Variants in PPP2R3B observed in about 807,000 individuals in gnomAD.
The protein encoded by PPP2R3B is serine/threonine-protein phosphatase 2A regulatory subunit B'' subunit beta.
Under a neutral mutation model 72.9 loss-of-function variants are expected in PPP2R3B, and 68 were observed. The observed-to-expected ratio is 0.93, with a 90% CI of 0.77 to 1.14. The LOEUF (loss-of-function observed/expected upper bound fraction) is 1.14. PPP2R3B is among the 50% of genes most tolerant of loss of function. The pLI, the probability that PPP2R3B is intolerant of heterozygous loss-of-function variation, is 0.00. For missense variants in PPP2R3B, 1,018 were observed against 842.0 expected, an observed-to-expected ratio of 1.21 and a Z score of -2.59; for synonymous variants, 466 against 375.8, an observed-to-expected ratio of 1.24 and a Z score of -2.78.
chrX:363,982 G>A (rs1239635616), intron 1 of PPP2R3B, among the ~76,000 whole-genome samples: 3 of 152,236 alleles, frequency 2.0e-5, no homozygotes, highest in South Asian at 2.1e-4. Flanking sequence ...TCTAGACGGC[G>A]CCCACAGGCT....
chrX:364,862 G>A (rs1439728760), intron 1 of PPP2R3B, among the ~76,000 whole-genome samples: 8 of 23,964 alleles, frequency 3.3e-4, no homozygotes, highest in East Asian at 2.4e-3. Context: ...CAGCCTGGGC[G>A]ACAGAGTGAG....
At chrX:350,306 G>A (rs2071302216) in intron 2 of PPP2R3B, among the ~76,000 whole-genome samples, 2 of 152,188 alleles carry the variant, frequency 1.3e-5, no homozygotes, top group South Asian at 4.1e-4. Flanking sequence ...GGAAACGAGG[G>A]ACGCTGCACG....
At chrX:384,282 C>CTCTCTATATA (rs1323012218) in intron 1 of PPP2R3B, among the ~76,000 whole-genome samples, 5 of 140,088 alleles carry the variant, frequency 3.6e-5, no homozygotes, top group Non-Finnish European at 6.1e-5. Context: ...CTCTCTCTCT[C>CTCTCTATATA]TATATATATA....
chrX:352,064 CACCAA>C (rs1777979515), intron 2 of PPP2R3B, among the ~76,000 whole-genome samples: 1 of 152,186 alleles, frequency 6.6e-6, no homozygotes, highest in Admixed American at 6.5e-5. Flanking sequence ...CCCCCCACCA[CACCAA>C]ACCCGAAAAT....
At chrX:377,679 G>T (rs1210022623) in intron 1 of PPP2R3B, among the ~76,000 whole-genome samples, 10 of 136,910 alleles carry the variant, frequency 7.3e-5, no homozygotes, top group Non-Finnish European at 1.3e-4. Context: ...ACCCAGTGGG[G>T]CCGCCATGGG....
At position 347,299 on chromosome X, in the gene PPP2R3B, C is replaced by G. The variant is rs369232786; in HGVS notation, c.652G>C (p.Val218Leu). The G allele has an allele frequency of 6.2e-7, 1 of 1,613,798 alleles. No homozygotes were observed. The highest frequency in any genetic ancestry group is 1.1e-5 in the South Asian group (1 of 91,078). ...CAGCCGGGGCTCATGAGCAGATGGA[C>G]GAACTTGGCCGCGTCGTCGTGGCAG... ...QNCHDDAAKF[V>L]HLLMSPGCNY... is the part of the protein sequence containing the mutation. Residue 218 changes from valine (V) to leucine (L), a missense_variant, in exon 4 of 13, where the codon GTC (valine) becomes CTC (leucine). Val to Leu is a conservative substitution (Grantham distance 32, BLOSUM62 1). Coordinates refer to ENST00000390665, the MANE Select transcript of PPP2R3B (RefSeq NM_013239.5).
chrX:335,520 A>AG (rs1368799549), intron 12 of PPP2R3B: 3 of 152,180 alleles, frequency 2.0e-5, no homozygotes, highest in African/African-American at 7.2e-5. Flanking sequence ...ATGGGGGAGC[A>AG]GGGGTTAAAA....
chrX:372,297 G>T (rs932912716), intron 1 of PPP2R3B, among the ~76,000 whole-genome samples: 1 of 152,222 alleles, frequency 6.6e-6, no homozygotes, highest in African/African-American at 2.4e-5. Flanking sequence ...AAGTTGATGT[G>T]AGATCTTACA....
chrX:357,914 G>A (rs1360720759), intron 2 of PPP2R3B, among the ~76,000 whole-genome samples: 2 of 152,146 alleles, frequency 1.3e-5, no homozygotes, highest in Non-Finnish European at 2.9e-5. Context: ...AGGAAGAACC[G>A]GGCCAGGAGA....
intron 1 of PPP2R3B, among the ~76,000 whole-genome samples, chrX:364,252 T>C (rs1393465331): frequency 1.3e-5 from 2 of 152,112 alleles, no homozygotes; most frequent in Non-Finnish European, 2.9e-5. Context: ...GGAATGAAAG[T>C]AGCAGCCTTC....
intron 1 of PPP2R3B, among the ~76,000 whole-genome samples, chrX:385,000 A>AAC (rs1556285963): frequency 2.6e-5 from 4 of 151,198 alleles, no homozygotes; most frequent in African/African-American, 9.7e-5. Context: ...AAAAAAAAAA[A>AAC]AAAAAACTGA....
chrX:376,549 CCGCCA>C (rs2072000620), intron 1 of PPP2R3B, among the ~76,000 whole-genome samples: 1 of 131,758 alleles, frequency 7.6e-6, no homozygotes, highest in African/African-American at 3.0e-5. Context: ...CCCAGTGGGG[CCGCCA>C]TGGGGCTGTC....
chrX:352,390 G>T (rs1191412720), intron 2 of PPP2R3B, among the ~76,000 whole-genome samples: 3 of 152,218 alleles, frequency 2.0e-5, no homozygotes, highest in Non-Finnish European at 4.4e-5. Context: ...CTACGGCGAC[G>T]GCCCCCAGGC....
intron 1 of PPP2R3B, among the ~76,000 whole-genome samples, chrX:385,320 C>CTTT (rs1178231888): frequency 1.3e-4 from 10 of 75,606 alleles, no homozygotes; most frequent in African/African-American, 3.1e-4. Flanking sequence ...TTTTAGTTTT[C>CTTT]TTTTTTTTTT....
chrX:368,710 G>A lies in PPP2R3B; in HGVS notation c.325-7120C>T, dbSNP rs1292839141. ...GACCACCCACCCTGGGCACCGACGG[G>A]GGGAAGGCCGGGACCACCCACCTTG... On this transcript the variant is annotated intron_variant, in intron 1 of 12. Transcript: ENST00000390665. Among the ~76,000 whole-genome samples, 10 of 106,732 alleles carry A rather than the reference G, an allele frequency of 9.4e-5. 2 individuals are homozygous for A. The highest frequency in any genetic ancestry group is 1.8e-4 in the Admixed American group (2 of 11,130). The allele number at this position is 106,732 out of a possible 152,430, so 70.0% of individuals were successfully genotyped here.
chrX:336,962 T>G (rs2070906384), intron 12 of PPP2R3B: 1 of 152,200 alleles, frequency 6.6e-6, no homozygotes, highest in Admixed American at 6.5e-5. Flanking sequence ...GATTGTTTGT[T>G]TTTGTTTTGG....
At chrX:385,004 A>AAAAAG (rs1215008528) in intron 1 of PPP2R3B, among the ~76,000 whole-genome samples, 1 of 151,206 alleles carries the variant, frequency 6.6e-6, no homozygotes, top group African/African-American at 2.4e-5. Context: ...AAAAAAAAAA[A>AAAAAG]AACTGATTGC....
intron 1 of PPP2R3B, among the ~76,000 whole-genome samples, chrX:369,587 C>T (rs1400902113): frequency 4.6e-5 from 7 of 152,226 alleles, no homozygotes; most frequent in Admixed American, 1.3e-4. Context: ...TTGATGGGTG[C>T]AGGTGAGTGT....
intron 1 of PPP2R3B, among the ~76,000 whole-genome samples, chrX:372,138 T>A (rs1003928849): frequency 6.6e-6 from 1 of 151,952 alleles, no homozygotes; most frequent in African/African-American, 2.4e-5. Context: ...GCCCAGCACC[T>A]CCCACCATCT....
Sources: allele counts gnomAD v4.1 joint callset (sites outside exome capture counted in the v4.1 genomes callset), GRCh38; gene constraint gnomAD v4.1.1; transcripts MANE v1.5; gene names NCBI Gene and HGNC (gene_info 2026-07-23, HGNC 2026-07-21).